Variants in DEDD2 observed in about 807,000 individuals in gnomAD.
DEDD2 encodes the protein DNA-binding death effector domain-containing protein 2.
In DEDD2, 18 loss-of-function variants were observed where a neutral mutation model predicts 28.9. The observed-to-expected ratio is 0.62, with a 90% CI of 0.43 to 0.92. DEDD2 has a LOEUF of 0.92. Ranked by LOEUF, DEDD2 falls within the 40% of genes least tolerant of loss-of-function variation. The pLI, the probability that DEDD2 is intolerant of heterozygous loss-of-function variation, is 0.00. For synonymous variants in DEDD2, 211 were observed against 206.1 expected (o/e 1.02, Z -0.20); for missense variants, 411 against 463.3 (o/e 0.89, Z 1.04).
At position 42,217,061 on chromosome 19, in the gene DEDD2, C is replaced by T; in HGVS notation, c.-38-16G>A. 1 of 1,516,114 alleles carries T rather than the reference C, an allele frequency of 6.6e-7. No homozygotes were observed. Among genetic ancestry groups the T allele is most frequent in the Non-Finnish European group, 8.9e-7 (1 of 1,117,502 alleles). 93.9% of individuals were successfully genotyped at this position (1,516,114 alleles called of 1,614,324 possible). A position where few individuals can be genotyped will look rare whatever the true frequency, so the allele number is the denominator to read the frequency against. On this transcript the variant is annotated splice_polypyrimidine_tract_variant and intron_variant, in intron 1 of 4. Transcript: ENST00000596251. ...AGAACCCGGCCTAGAACCCACACAG[C>T]GGGGAGGGGGCAGTGGTCAGCGACG...
Sources: gnomAD v4.1 joint callset for allele counts on GRCh38, gnomAD v4.1.1 for gene constraint, MANE v1.5 for transcripts, NCBI Gene and HGNC (gene_info 2026-07-23, HGNC 2026-07-21) for gene names.